ZMYND8: variants seen among roughly 807,000 people sequenced by gnomAD.
ZMYND8 encodes the protein MYND-type zinc finger-containing chromatin reader ZMYND8.
In ZMYND8, 37 loss-of-function variants were observed where a neutral mutation model predicts 140.8. That is an observed-to-expected ratio of 0.26 (90% confidence interval 0.20 to 0.35). ZMYND8 has a LOEUF of 0.35. ZMYND8 is among the 10% of genes least tolerant of loss of function. The probability of loss-of-function intolerance (pLI) is 1.00; values close to 1 mark genes in which losing one functional copy is unlikely to be tolerated. For synonymous variants in ZMYND8, 592 were observed against 597.1 expected (o/e 0.99, Z 0.12); for missense variants, 1,068 against 1,570.0 (o/e 0.68, Z 5.40).
chr20:47,295,374 C>T (rs752112821), intron 4 of ZMYND8, among the ~76,000 whole-genome samples: 1 of 152,152 alleles, frequency 6.6e-6, no homozygotes, highest in Admixed American at 6.5e-5. Context: ...GCCTGGGTGA[C>T]AGAGCGAGAC....
chr20:47,270,505 G>A (rs2075850979), intron 11 of ZMYND8, among the ~76,000 whole-genome samples: 2 of 151,156 alleles, frequency 1.3e-5, no homozygotes, highest in Non-Finnish European at 2.9e-5. Flanking sequence ...CATGAACCAA[G>A]GAGTCCACAG....
intron 2 of ZMYND8, chr20:47,319,201 C>A (rs887579581): frequency 2.5e-6 from 1 of 403,956 alleles, no homozygotes; most frequent in South Asian, 1.9e-5. Context: ...TGAAACCCAG[C>A]GACTTGCCTT....
intron 21 of ZMYND8, among the ~76,000 whole-genome samples, chr20:47,216,080 T>C (rs997466287): frequency 6.6e-6 from 1 of 152,200 alleles, no homozygotes; most frequent in African/African-American, 2.4e-5. Flanking sequence ...GGAGCAGCCC[T>C]GAGCGCCCAG....
Position 47,276,335 on chromosome 20 carries a change from C to T in ZMYND8, c.1459G>A (p.Asp487Asn). ...TGACCTGTGCTCTTATCCAGGAAGT[C>T]CATGGACTCCTCGCTCGCACTGAAG... ...SHFSASEESM[D>N]FLDKSTASPA... Residue 487 changes from aspartate to asparagine, a missense_variant, in exon 11 of 23, where the codon GAC becomes AAC. Coordinates refer to ENST00000471951, the MANE Select transcript of ZMYND8 (RefSeq NM_001281775.3). 1 of 1,578,200 alleles carries T rather than the reference C, an allele frequency of 6.3e-7. No individual in the cohort carries two copies. Among genetic ancestry groups the T allele is most frequent in the East Asian group, 2.3e-5 (1 of 44,384 alleles).
chr20:47,356,696 T>G lies in ZMYND8; in HGVS notation c.-26A>C. ...TGTTAACACTGTGTAATGTCAATAC[T>G]TATAAAACATGGAGGACAGGCTCCT... On this transcript the variant is annotated 5_prime_UTR_variant, in exon 1 of 23. Coordinates refer to ENST00000471951, the MANE Select transcript of ZMYND8 (RefSeq NM_001281775.3). 6.2e-7 allele frequency: 1 copy of G among 1,614,192 alleles called. No individual in the cohort carries two copies. The highest frequency in any genetic ancestry group is 8.5e-7 in the Non-Finnish European group (1 of 1,180,030).
intron 10 of ZMYND8, among the ~76,000 whole-genome samples, chr20:47,280,127 A>C (rs1358645238): frequency 7.2e-6 from 1 of 138,480 alleles, no homozygotes; most frequent in East Asian, 2.1e-4. Flanking sequence ...TCTGCTCCAA[A>C]AAAAAAAAAA....
Position 47,310,200 on chromosome 20 carries a change from A to T in ZMYND8, c.90T>A (p.Pro30=), listed in dbSNP as rs1370330922. 1 of 1,601,604 alleles carries T rather than the reference A, an allele frequency of 6.2e-7. No homozygotes were observed. Among genetic ancestry groups the T allele is most frequent in the African/African-American group, 1.4e-5 (1 of 73,882 alleles). Residue 30 remains proline (P), a synonymous_variant, in exon 3 of 23, where the codon CCT becomes CCA. Transcript: ENST00000471951. ...GMDISTRSKD[P]GSAERTAQKR... ...TCTGGGCTGTTCTCTCTGCAGAGCC[A>T]GGATCTGAAAGAGATACAGGACCAC...
intron 14 of ZMYND8, among the ~76,000 whole-genome samples, chr20:47,245,087 T>A (rs558218376): frequency 6.6e-6 from 1 of 151,488 alleles, no homozygotes; most frequent in Non-Finnish European, 1.5e-5. Flanking sequence ...CCAATACACA[T>A]ATCCACCATA....
intron 21 of ZMYND8, among the ~76,000 whole-genome samples, chr20:47,215,974 C>T (rs968470744): frequency 1.3e-5 from 2 of 150,272 alleles, no homozygotes; most frequent in Non-Finnish European, 2.9e-5. Flanking sequence ...AAAAGCAATA[C>T]AGAGTGAGAA....
Position 47,356,520 on chromosome 20 carries a change from C to G in ZMYND8, c.14+137G>C, listed in dbSNP as rs992111882. ...ACCCAAGAAAGCAAAAAAATTCTCT[C>G]TAAACAGTTCCAAGTTAACATAAGT... On this transcript the variant is annotated intron_variant, in intron 1 of 22. Coordinates refer to ENST00000471951, the MANE Select transcript of ZMYND8 (RefSeq NM_001281775.3). The G allele has an allele frequency of 2.5e-6, 4 of 1,609,070 alleles. No individual in the cohort carries two copies. In the African/African-American group the frequency reaches 5.4e-5, roughly 22 times the overall value.
chr20:47,348,658 G>A (rs940429646), intron 1 of ZMYND8: 2 of 152,268 alleles, frequency 1.3e-5, no homozygotes, highest in African/African-American at 2.4e-5. Context: ...TAAGAGTGGA[G>A]GGTTGGGGAG....
chr20:47,345,396 G>A (rs2082252846), intron 2 of ZMYND8, among the ~76,000 whole-genome samples: 1 of 151,994 alleles, frequency 6.6e-6, no homozygotes, highest in African/African-American at 2.4e-5. Flanking sequence ...AGGAAACAAA[G>A]GTAAACAGGG....
intron 12 of ZMYND8, among the ~76,000 whole-genome samples, chr20:47,259,520 C>T (rs1265764885): frequency 6.6e-6 from 1 of 152,106 alleles, no homozygotes; most frequent in East Asian, 1.9e-4. Flanking sequence ...ACCTGGAGGG[C>T]GCCAACCACC....
intron 2 of ZMYND8, among the ~76,000 whole-genome samples, chr20:47,327,021 A>C (rs2080482831): frequency 6.6e-6 from 1 of 152,154 alleles, no homozygotes; most frequent in African/African-American, 2.4e-5. Context: ...AGGGTCATTA[A>C]GGAGGTGGTG....
chr20:47,259,364 C>T (rs1466658213), intron 12 of ZMYND8, among the ~76,000 whole-genome samples: 1 of 152,160 alleles, frequency 6.6e-6, no homozygotes, highest in Non-Finnish European at 1.5e-5. Flanking sequence ...CATCCTATTA[C>T]ATCAGGGCTG....
At chr20:47,345,514 T>G (rs2082263296) in intron 2 of ZMYND8, among the ~76,000 whole-genome samples, 1 of 151,626 alleles carries the variant, frequency 6.6e-6, no homozygotes, top group African/African-American at 2.4e-5. Context: ...CACTTTTTTT[T>G]TTTTTTTTTT....
intron 1 of ZMYND8, among the ~76,000 whole-genome samples, chr20:47,355,263 G>T (rs2083126867): frequency 6.6e-6 from 1 of 152,114 alleles, no homozygotes; most frequent in South Asian, 2.1e-4. Context: ...CTAGCTGCAG[G>T]TTATCAGGAA....
Position 47,229,875 on chromosome 20 carries a change from A to G in ZMYND8, c.2857-69T>C, listed in dbSNP as rs536894739. 7.9e-6 allele frequency: 11 copies of G among 1,387,344 alleles called. No homozygotes were observed. In the South Asian group the frequency reaches 1.3e-4, roughly 17 times the overall value. The allele number at this position is 1,387,344 out of a possible 1,614,324, so 85.9% of individuals were successfully genotyped here. A position where few individuals can be genotyped will look rare whatever the true frequency, so the allele number is the denominator to read the frequency against. ...AGGCTTTTCCTGGTGACAAATACTT[A>G]AAATCTATCTGTATAAAGCAGAGGT... On this transcript the variant is annotated intron_variant, in intron 16 of 22. Transcript: ENST00000471951.
intron 12 of ZMYND8, among the ~76,000 whole-genome samples, chr20:47,261,448 A>C (rs1472697358): frequency 6.6e-6 from 1 of 151,986 alleles, no homozygotes; most frequent in Non-Finnish European, 1.5e-5. Flanking sequence ...GTGAGGCAGG[A>C]AATAGCTTGA....
Sources: gnomAD v4.1 joint callset for allele counts (sites outside exome capture counted in the v4.1 genomes callset) on GRCh38, gnomAD v4.1.1 for gene constraint, MANE v1.5 for transcripts, NCBI Gene and HGNC (gene_info 2026-07-23, HGNC 2026-07-21) for gene names.